The following DHX58 variants were observed in gnomAD, a reference collection of about 807,000 sequenced individuals.
The protein encoded by DHX58 is DExH-box helicase 58, also known as ATP-dependent RNA helicase DHX58.
In DHX58, 51 loss-of-function variants were observed where a neutral mutation model predicts 65.0. The ratio of observed to expected loss-of-function variants is 0.78; its 90% CI spans 0.63 to 0.99. The LOEUF is 0.99. Ranked by LOEUF, DHX58 falls within the 50% of genes least tolerant of loss-of-function variation. DHX58 has a pLI of 0.00. For synonymous variants in DHX58, 350 were observed against 365.0 expected, an observed-to-expected ratio of 0.96 and a Z score of 0.47; for missense variants, 773 against 891.8, an observed-to-expected ratio of 0.87 and a Z score of 1.70.
At position 42,104,906 on chromosome 17, in the gene DHX58, C is replaced by A. The variant is rs151154572; in HGVS notation, c.1423G>T (p.Asp475Tyr). 1.2e-6 allele frequency: 2 copies of A among 1,613,988 alleles called. No homozygotes were observed. Among genetic ancestry groups the A allele is most frequent in the African/African-American group, 1.3e-5 (1 of 74,934 alleles). The change falls in exon 11 of 14, where the codon GAT (aspartate) becomes TAT (tyrosine). Residue 475 changes from aspartate (D) to tyrosine (Y), a missense_variant. Transcript: ENST00000251642. ...GCTACAAACGCGTATACACTCTGAT[C>A]GGCCCGGGCACGGCCCCTGGCCTGG... Reference protein sequence around the residue: ...MVQARGRARADQSVYAFVATE... With the variant: ...MVQARGRARAYQSVYAFVATE...
rs1555662340 is a variant in DHX58, at chr17:42,105,121, T to G, written c.1298A>C (p.Asn433Thr). The G allele has an allele frequency of 6.2e-7, 1 of 1,613,956 alleles. No homozygotes were observed. Among genetic ancestry groups the G allele is most frequent in the South Asian group, 1.1e-5 (1 of 91,076 alleles). The change falls in exon 10 of 14, where the codon AAC (asparagine) becomes ACC (threonine). Residue 433 changes from asparagine (N) to threonine (T), a missense_variant. Asn to Thr is a moderately conservative substitution (Grantham distance 65). Transcript: ENST00000251642. ...VIQKFQDGTL[N>T]LLVATSVAEE... ...CGCCACACTCGTGGCCACCAGAAGG[T>G]TCAGGGTTCCATCTTGGAACTTCTG... is the stretch of plus-strand genomic sequence containing the variant.
At chr17:42,109,178 AC>A in intron 6 of DHX58, 91 bp downstream of exon 6, 4 of 1,056,930 alleles carry the variant, frequency 3.8e-6, no homozygotes, top group Non-Finnish European at 5.4e-6. Context: ...ACCTGAAGTC[AC>A]AGAGCTAGTG....
chr17:42,110,678 C>T (rs781979757), intron 5 of DHX58, 45 bp downstream of exon 5: 1 of 1,533,976 alleles, frequency 6.5e-7, no homozygotes, highest in African/African-American at 1.4e-5. Flanking sequence ...GGAGGGAAGT[C>T]CCTGGTGGGT....
At chr17:42,108,161 C>T in intron 6 of DHX58, 53 bp from the exon 7 acceptor site, 1 of 1,612,692 alleles carries the variant, frequency 6.2e-7, no homozygotes, top group Non-Finnish European at 8.5e-7. Flanking sequence ...AGGATGGGCA[C>T]CCAGTGGGGG....
rs371459098 is a variant in DHX58 at position 42,108,021 on chromosome 17, G to A, written c.766C>T (p.Gln256Ter). 5.0e-6 allele frequency: 8 copies of A among 1,614,088 alleles called. No individual in the cohort carries two copies. The African/African-American group carries it at 9.3e-5, about 19-fold the overall frequency. Residue 256 changes from glutamine (Q) to a stop codon, truncating the protein, a stop_gained, in exon 7 of 14, where the codon CAA becomes TAA. Coordinates refer to ENST00000251642, the MANE Select transcript of DHX58 (RefSeq NM_024119.3). LOFTEE classifies it high-confidence loss of function. ...MPELSRKFGT[Q>*]MYEQQVVKLS... is the part of the protein sequence containing the mutation. ...TTCACCACCTGCTGCTCATACATTT[G>A]CGTCCCAAATTTCCGGCTCAACTCA...
Position 42,112,711 on chromosome 17 carries a change from A to G in DHX58, c.-201T>C, listed in dbSNP as rs1460374072. The G allele has an allele frequency of 1.3e-5, 2 of 151,726 alleles. No individual in the cohort carries two copies. Among genetic ancestry groups the G allele is most frequent in the Non-Finnish European group, 2.9e-5 (2 of 67,886 alleles). The allele number at this position is 151,726 out of a possible 1,614,324, so 9.4% of individuals were successfully genotyped here. A position where few individuals can be genotyped will look rare whatever the true frequency, so the allele number is the denominator to read the frequency against. On this transcript the variant is annotated 5_prime_UTR_variant, in exon 1 of 14. Coordinates refer to ENST00000251642, the MANE Select transcript of DHX58 (RefSeq NM_024119.3). Reference sequence around the variant, plus strand: ...CGCTGTGCTCAGCGCAGAGAGCAGAAATCAGAAATGGAAACTGAAACTGAG... The same window carrying G: ...CGCTGTGCTCAGCGCAGAGAGCAGAGATCAGAAATGGAAACTGAAACTGAG...
chr17:42,105,048 C>T lies in DHX58; in HGVS notation c.1371G>A (p.Gly457=). 1.2e-6 allele frequency: 2 copies of T among 1,613,640 alleles called. No individual in the cohort carries two copies. The highest frequency in any genetic ancestry group is 2.2e-5 in the South Asian group (2 of 91,062). The stretch of plus-strand genomic sequence containing the variant: ...CCATGGAGATTTCATTGGTCAAGAG[C>T]CCATAACGCACCACCACATTGCAAT... ...IPHCNVVVRY[G]LLTNEISMVQ... The change falls in exon 10 of 14, where the codon GGG becomes GGA. Residue 457 remains glycine, a synonymous_variant. Coordinates refer to ENST00000251642, the MANE Select transcript of DHX58 (RefSeq NM_024119.3).
chr17:42,107,668 G>A lies in DHX58; in HGVS notation c.933C>T (p.His311=), dbSNP rs2054083021. The change falls in exon 8 of 14, where the codon CAC becomes CAT. Residue 311 remains histidine, a synonymous_variant. Transcript: ENST00000251642. The part of the protein sequence containing the change: ...DALAALQDFY[H]REHVTKTQIL... ...TCTGGGTTTTAGTGACGTGCTCCCTGTGATAGAAATCCTGCAGCGCAGCCA... is the reference window on the plus strand; with the variant it reads ...TCTGGGTTTTAGTGACGTGCTCCCTATGATAGAAATCCTGCAGCGCAGCCA... 1 of 1,613,296 alleles carries A rather than the reference G, an allele frequency of 6.2e-7. No homozygotes were observed. The highest frequency in any genetic ancestry group is 8.5e-7 in the Non-Finnish European group (1 of 1,179,734).
Position 42,108,169 on chromosome 17 carries a change from G to A in DHX58, c.679-61C>T, listed in dbSNP as rs374872638. On this transcript the variant is annotated intron_variant, in intron 6 of 13. Transcript: ENST00000251642. ...ACGTTGGAGGATGGGCACCCAGTGG[G>A]GGTGCTGACCCCGGCGTGTAGCACA... 3.3e-4 allele frequency: 530 copies of A among 1,611,632 alleles called. 4 individuals are homozygous for A. In the East Asian group the frequency reaches 7.8e-3, roughly 24 times the overall value.
In DHX58 at chr17:42,101,813, A is replaced by C; in HGVS notation, c.1985T>G (p.Phe662Cys). ...WSRVPFSVPD[F>C]DFLQHCAENL... ...CTCGGCACAATGCTGCAGGAAGTCA[A>C]AGTCAGGCACGGAGAAGGGCACGCG... Residue 662 changes from phenylalanine (F) to cysteine (C), a missense_variant, in exon 14 of 14, where the codon TTT (phenylalanine) becomes TGT (cysteine). Transcript: ENST00000251642. The C allele has an allele frequency of 6.2e-7, 1 of 1,614,228 alleles. No homozygotes were observed. Among genetic ancestry groups the C allele is most frequent in the Non-Finnish European group, 8.5e-7 (1 of 1,180,046 alleles).
At chr17:42,105,267 C>T in intron 9 of DHX58, 100 bp from the exon 10 acceptor site, 1 of 1,414,922 alleles carries the variant, frequency 7.1e-7, no homozygotes, top group Non-Finnish European at 9.4e-7. Context: ...GCCCTCACTC[C>T]CAATCTTGGT....
At chr17:42,106,095 G>C in intron 8 of DHX58, 106 bp from the exon 9 acceptor site, 1 of 1,194,538 alleles carries the variant, frequency 8.4e-7, no homozygotes, top group South Asian at 1.5e-5. Context: ...GGAGGTCAAG[G>C]CTGAAGAGAG....
In DHX58 at chr17:42,103,294, A is replaced by G. The variant is rs782044817; in HGVS notation, c.1754+314T>C. 188 of 365,570 alleles carry G rather than the reference A, an allele frequency of 5.1e-4. 3 individuals are homozygous for G. The highest frequency in any genetic ancestry group is 7.0e-5 in the Non-Finnish European group (14 of 199,884). The allele number at this position is 365,570 out of a possible 1,614,324, so 22.6% of individuals were successfully genotyped here. A position where few individuals can be genotyped will look rare whatever the true frequency, so the allele number is the denominator to read the frequency against. Reference sequence around the variant, plus strand: ...ATGGAGGATGGCCCAGGGATGGCCAAGCTCTCTTGATATCTTCGGAATAGG... The same window carrying G: ...ATGGAGGATGGCCCAGGGATGGCCAGGCTCTCTTGATATCTTCGGAATAGG... On this transcript the variant is annotated intron_variant, in intron 12 of 13. Transcript: ENST00000251642.
chr17:42,101,906 G>A lies in DHX58; in HGVS notation c.1892C>T (p.Pro631Leu), dbSNP rs368613039. The A allele has an allele frequency of 4.6e-5, 74 of 1,613,904 alleles. No individual in the cohort carries two copies. The highest frequency in any genetic ancestry group is 1.6e-4 in the Middle Eastern group (1 of 6,080). The change falls in exon 14 of 14, where the codon CCA becomes CTA. Residue 631 changes from proline to leucine, a missense_variant. By Grantham distance (98) the Pro-to-Leu change is moderately conservative. Transcript: ENST00000251642. ...LQMIYKSVKL[P>L]VLKVRSMLLE... is the part of the protein sequence containing the mutation. ...CAGCATGCTGCGGACTTTGAGCACT[G>A]GCAGCTTCACTGACTTGTAGATCAT...
intron 11 of DHX58, among the ~76,000 whole-genome samples, 160 bp downstream of exon 11, chr17:42,104,606 C>A (rs1463316244): frequency 6.6e-6 from 1 of 152,184 alleles, no homozygotes; most frequent in African/African-American, 2.4e-5. Context: ...CCTTCCCTGG[C>A]AGCCCCACCC....
At chr17:42,110,398 G>C (rs1272668406) in intron 5 of DHX58, among the ~76,000 whole-genome samples, 2 of 152,128 alleles carry the variant, frequency 1.3e-5, no homozygotes, top group African/African-American at 2.4e-5. Flanking sequence ...AAATGCAAAG[G>C]TCCCCGAGAT....
intron 4 of DHX58, 96 bp downstream of exon 4, chr17:42,111,200 A>G (rs1555664072): frequency 6.8e-7 from 1 of 1,479,642 alleles, no homozygotes; most frequent in Non-Finnish European, 9.1e-7. Context: ...CACTCCCACT[A>G]AAACTCCCAA....
intron 8 of DHX58, among the ~76,000 whole-genome samples, chr17:42,106,323 A>AAAGAAAGAAAGC: frequency 6.6e-6 from 1 of 151,020 alleles, no homozygotes; most frequent in Non-Finnish European, 1.5e-5. Flanking sequence ...GGAGGGAAAG[A>AAAGAAAGAAAGC]AAGAAAGAGA....
intron 1 of DHX58, 37 bp downstream of exon 1, chr17:42,112,568 T>TGGGGG (rs1351973584): frequency 1.8e-4 from 3 of 16,388 alleles, no homozygotes; most frequent in African/African-American, 4.3e-4. Flanking sequence ...GGCCAAAAGG[T>TGGGGG]GGGGGTGGGG....
Sources: gnomAD v4.1 joint callset for allele counts (sites outside exome capture counted in the v4.1 genomes callset) on GRCh38, gnomAD v4.1.1 for gene constraint, MANE v1.5 for transcripts, NCBI Gene and HGNC (gene_info 2026-07-23, HGNC 2026-07-21) for gene names.